The following ALK variants were observed in gnomAD, a reference collection of about 807,000 sequenced individuals.
ALK encodes the protein ALK receptor tyrosine kinase.
Under a neutral mutation model 163.1 loss-of-function variants are expected in ALK, and 74 were observed. That is an observed-to-expected ratio of 0.45 (90% CI 0.38 to 0.55). The LOEUF (loss-of-function observed/expected upper bound fraction) is 0.55. ALK is among the 20% of genes least tolerant of loss of function. The pLI is 0.00. For synonymous variants in ALK, 960 were observed against 843.2 expected (o/e 1.14, Z -2.40); for missense variants, 2,063 against 2,105.3 (o/e 0.98, Z 0.39).
chr2:29,467,427 G>T (rs970779194), intron 4 of ALK, among the ~76,000 whole-genome samples: 20 of 152,198 alleles, frequency 1.3e-4, no homozygotes, highest in African/African-American at 4.8e-4. Context: ...CACTATTTTA[G>T]ATTTTTCAGT....
intron 9 of ALK, among the ~76,000 whole-genome samples, chr2:29,287,618 G>T (rs959449708): frequency 1.3e-5 from 2 of 152,120 alleles, no homozygotes; most frequent in Admixed American, 6.5e-5. Context: ...CAAAAAGTCA[G>T]TAAGGAAATC....
chr2:29,417,120 T>A (rs1476522054), intron 4 of ALK, among the ~76,000 whole-genome samples: 2 of 151,568 alleles, frequency 1.3e-5, no homozygotes, highest in African/African-American at 2.4e-5. Flanking sequence ...CCCGGGTAGC[T>A]GGGACTACAG....
At chr2:29,257,143 A>C (rs1026561585) in intron 11 of ALK, among the ~76,000 whole-genome samples, 7 of 152,192 alleles carry the variant, frequency 4.6e-5, no homozygotes, top group Middle Eastern at 6.8e-3. Context: ...AATGGTCCCC[A>C]GGGAGGATCT....
intron 3 of ALK, among the ~76,000 whole-genome samples, chr2:29,596,843 ACT>A (rs1675228974): frequency 6.6e-6 from 1 of 152,122 alleles, no homozygotes; most frequent in Non-Finnish European, 1.5e-5. Flanking sequence ...CCTCCTGGTA[ACT>A]CTGTGGACTG....
At chr2:29,401,038 C>A (rs944129413) in intron 4 of ALK, among the ~76,000 whole-genome samples, 8 of 152,038 alleles carry the variant, frequency 5.3e-5, no homozygotes, top group Admixed American at 2.0e-4. Context: ...CTTAGTGGCT[C>A]TGGTTACAGA....
intron 24 of ALK, among the ~76,000 whole-genome samples, chr2:29,210,436 TTTTTG>T (rs1482846943): frequency 1.3e-5 from 2 of 152,110 alleles, no homozygotes; most frequent in Non-Finnish European, 1.5e-5. Flanking sequence ...TATTTCTAGT[TTTTTG>T]TTTTGTTTTG....
chr2:29,499,913 G>T (rs892430808), intron 4 of ALK, among the ~76,000 whole-genome samples: 1 of 152,086 alleles, frequency 6.6e-6, no homozygotes, highest in Non-Finnish European at 1.5e-5. Flanking sequence ...CCTCCCCAGT[G>T]GTTGCTTTTC....
intron 11 of ALK, among the ~76,000 whole-genome samples, chr2:29,265,226 C>T (rs1281579392): frequency 6.6e-6 from 1 of 152,148 alleles, no homozygotes; most frequent in African/African-American, 2.4e-5. Context: ...CCATGTTGGC[C>T]AGGCTGGTCT....
chr2:29,747,465 A>T (rs1243493993), intron 1 of ALK, among the ~76,000 whole-genome samples: 1 of 152,230 alleles, frequency 6.6e-6, no homozygotes, highest in Non-Finnish European at 1.5e-5. Context: ...CCATCAGGAT[A>T]CATCGGTTTT....
At chr2:29,267,637 G>A (rs1173939233) in intron 11 of ALK, among the ~76,000 whole-genome samples, 2 of 152,094 alleles carry the variant, frequency 1.3e-5, no homozygotes, top group Admixed American at 1.3e-4. Context: ...ATAGGAGAGG[G>A]GCAAGCTGGG....
chr2:29,587,229 T>G (rs910506262), intron 3 of ALK, among the ~76,000 whole-genome samples: 1 of 152,250 alleles, frequency 6.6e-6, no homozygotes, highest in African/African-American at 2.4e-5. Flanking sequence ...GCAGCAGATC[T>G]GAGATTCCTG....
intron 1 of ALK, among the ~76,000 whole-genome samples, chr2:29,881,041 G>C (rs1398138177): frequency 6.6e-6 from 1 of 152,208 alleles, no homozygotes; most frequent in Non-Finnish European, 1.5e-5. Context: ...CTGAGCTCTT[G>C]CCTCTACTCC....
chr2:29,693,365 CAGA>C (rs1275057483), intron 3 of ALK, among the ~76,000 whole-genome samples: 2 of 150,560 alleles, frequency 1.3e-5, no homozygotes, highest in African/African-American at 4.9e-5. Context: ...ATAAGATATC[CAGA>C]AGAATTCTGA....
intron 4 of ALK, among the ~76,000 whole-genome samples, chr2:29,398,982 A>G (rs919346824): frequency 1.1e-4 from 17 of 152,124 alleles, no homozygotes; most frequent in African/African-American, 3.9e-4. Context: ...CTGCAGGGGT[A>G]TCTGAAAATG....
At chr2:29,796,234 T>C (rs1572385984) in intron 1 of ALK, among the ~76,000 whole-genome samples, 2 of 152,190 alleles carry the variant, frequency 1.3e-5, no homozygotes, top group Middle Eastern at 3.2e-3. Flanking sequence ...TCTGTGGCTG[T>C]CTTCTTAATA....
At chr2:29,728,499 C>T (rs1415738716) in intron 1 of ALK, among the ~76,000 whole-genome samples, 1 of 152,226 alleles carries the variant, frequency 6.6e-6, no homozygotes, top group African/African-American at 2.4e-5. Flanking sequence ...CATCCAACAA[C>T]CTCTCAAGTC....
At chr2:29,319,527 G>A (rs1217411853) in intron 7 of ALK, among the ~76,000 whole-genome samples, 1 of 152,108 alleles carries the variant, frequency 6.6e-6, no homozygotes, top group Non-Finnish European at 1.5e-5. Flanking sequence ...GTGGGAGAGG[G>A]GGTAGTTCAG....
At chr2:29,304,634 C>G (rs1666456347) in intron 8 of ALK, among the ~76,000 whole-genome samples, 1 of 152,206 alleles carries the variant, frequency 6.6e-6, no homozygotes, top group Non-Finnish European at 1.5e-5. Context: ...CATCAACATT[C>G]ATTCTTCAGT....
chr2:29,759,326 A>G (rs143264155), intron 1 of ALK, among the ~76,000 whole-genome samples: 1 of 152,336 alleles, frequency 6.6e-6, no homozygotes, highest in African/African-American at 2.4e-5. Context: ...AATGGCAAGT[A>G]ATAATAAAAC....
Sources: allele counts gnomAD v4.1 joint callset (sites outside exome capture counted in the v4.1 genomes callset), GRCh38; gene constraint gnomAD v4.1.1; transcripts MANE v1.5; gene names NCBI Gene and HGNC (gene_info 2026-07-23, HGNC 2026-07-21).